STS: variants seen among roughly 807,000 people sequenced by gnomAD.
The protein encoded by STS is steryl-sulfatase.
STS carries 7 observed loss-of-function variants against 26.8 expected under a neutral mutation model. That is an observed-to-expected ratio of 0.26 (90% confidence interval 0.15 to 0.49). The LOEUF is 0.49. Among genes scored for constraint, STS ranks in the 20% least tolerant of loss-of-function variants. The probability of loss-of-function intolerance (pLI) is 0.98; values close to 1 mark genes in which losing one functional copy is unlikely to be tolerated. For synonymous variants in STS, 199 were observed against 189.4 expected (o/e 1.05, Z -0.42); for missense variants, 434 against 465.6 (o/e 0.93, Z 0.63).
intron 7 of STS, among the ~76,000 whole-genome samples, chrX:7,287,734 G>T (rs1925207220): frequency 9.2e-6 from 1 of 108,354 alleles, no homozygotes; most frequent in Admixed American, 9.9e-5. Context: ...TGAATATTCT[G>T]TAAAGCTGTG....
rs768045253 is a variant in STS, at chrX:7,353,333, CA to C, written c.*3077del. ...TCTCTAAGGCCTTTTAAGGGGCCTA[CA>C]AAAATGTTTTATTTTATAATCAGAA... On this transcript the variant is annotated 3_prime_UTR_variant, in exon 11 of 11. Coordinates refer to ENST00000674429, the MANE Select transcript of STS (RefSeq NM_001320752.2). 50 of 110,681 alleles carry C rather than the reference CA, an allele frequency of 4.5e-4. No individual in the cohort carries two copies. The highest frequency in any genetic ancestry group is 8.5e-4 in the Non-Finnish European group (45 of 52,948). The allele number at this position is 110,681 out of a possible 1,213,427, so 9.1% of individuals were successfully genotyped here.
chrX:7,210,059 ATT>A (rs1267957973), intron 2 of STS, among the ~76,000 whole-genome samples: 4 of 111,356 alleles, frequency 3.6e-5, no homozygotes, highest in African/African-American at 1.3e-4. Flanking sequence ...TGTCTTTGTT[ATT>A]GTAAATAGTG....
intron 1 of STS, among the ~76,000 whole-genome samples, chrX:7,153,064 G>A (rs1337496753): frequency 8.9e-6 from 1 of 111,741 alleles, no homozygotes; most frequent in African/African-American, 3.3e-5. Flanking sequence ...CCATGCATTC[G>A]AATTTCCTCT....
intron 8 of STS, among the ~76,000 whole-genome samples, chrX:7,323,104 C>T (rs1244744820): frequency 9.0e-6 from 1 of 111,687 alleles, no homozygotes; most frequent in East Asian, 2.8e-4. Context: ...CACGTGGAAA[C>T]ATAGTGGGAA....
chrX:7,323,674 A>G (rs1254011611), intron 8 of STS, among the ~76,000 whole-genome samples: 1 of 111,990 alleles, frequency 8.9e-6, no homozygotes, highest in African/African-American at 3.2e-5. Flanking sequence ...TAGTGCAGCA[A>G]TGAACATACA....
At chrX:7,317,247 A>G (rs1036325223) in intron 8 of STS, among the ~76,000 whole-genome samples, 1 of 110,241 alleles carries the variant, frequency 9.1e-6, no homozygotes, top group Non-Finnish European at 1.9e-5. Flanking sequence ...TTCTCTGCTC[A>G]TAAATTTTCA....
intron 2 of STS, among the ~76,000 whole-genome samples, chrX:7,206,550 C>T (rs1352421790): frequency 8.9e-6 from 1 of 112,087 alleles, no homozygotes; most frequent in African/African-American, 3.2e-5. Context: ...GTTAACCATA[C>T]TTTATCTGCA....
At chrX:7,170,327 G>C (rs1209599852) in intron 1 of STS, among the ~76,000 whole-genome samples, 1 of 110,988 alleles carries the variant, frequency 9.0e-6, no homozygotes, top group African/African-American at 3.3e-5. Flanking sequence ...TGTTGGGGGA[G>C]GGGTACGGGG....
chrX:7,221,931 C>G (rs1278672257), intron 2 of STS, among the ~76,000 whole-genome samples: 1 of 111,230 alleles, frequency 9.0e-6, no homozygotes, highest in African/African-American at 3.3e-5. Context: ...AACCCCAACC[C>G]CCAAAATGAT....
Position 7,294,491 on chromosome X carries a change from G to A in STS, c.944-10555G>A, listed in dbSNP as rs72609595. 2.9e-4 allele frequency among the ~76,000 whole-genome samples: 32 copies of A among 111,343 alleles called. 1 individual carries two copies. In the East Asian group the frequency reaches 8.3e-3, roughly 29 times the overall value. On this transcript the variant is annotated intron_variant, in intron 7 of 10. Transcript: ENST00000674429. ...ATCTGAATACTATCAATAATTAGCA[G>A]CAACACAATTGCACCACAATAATAA...
At chrX:7,320,024 TTA>T (rs1193661268) in intron 8 of STS, among the ~76,000 whole-genome samples, 52 of 94,471 alleles carry the variant, frequency 5.5e-4, no homozygotes, top group African/African-American at 1.2e-3. Context: ...TTATATATAT[TTA>T]TATATATATT....
intron 6 of STS, among the ~76,000 whole-genome samples, chrX:7,270,063 G>T (rs780760348): frequency 1.8e-5 from 2 of 112,063 alleles, no homozygotes; most frequent in Non-Finnish European, 3.8e-5. Flanking sequence ...AGATTGGAAT[G>T]ATTACATGTT....
At chrX:7,192,230 G>A (rs181956029) in intron 2 of STS, among the ~76,000 whole-genome samples, 4 of 111,820 alleles carry the variant, frequency 3.6e-5, no homozygotes, top group Non-Finnish European at 7.5e-5. Flanking sequence ...CCAGGAGAAC[G>A]TTTCACCTCT....
intron 6 of STS, among the ~76,000 whole-genome samples, chrX:7,267,780 T>C (rs750874199): frequency 1.8e-5 from 2 of 111,916 alleles, no homozygotes; most frequent in Non-Finnish European, 3.8e-5. Flanking sequence ...TTCTCCAGGC[T>C]GAAGTTTATT....
At chrX:7,157,054 A>C (rs1409479825) in intron 1 of STS, among the ~76,000 whole-genome samples, 1 of 111,677 alleles carries the variant, frequency 9.0e-6, no homozygotes, top group Admixed American at 9.5e-5. Flanking sequence ...GCTCACTGCT[A>C]TTTGTCTTGT....
intron 2 of STS, among the ~76,000 whole-genome samples, chrX:7,250,789 G>A (rs1923102305): frequency 8.9e-6 from 1 of 111,968 alleles, no homozygotes; most frequent in Non-Finnish European, 1.9e-5. Flanking sequence ...TAAAACTTAG[G>A]TGTTTCTAAG....
At chrX:7,325,040 G>C (rs144642197) in intron 8 of STS, among the ~76,000 whole-genome samples, 18 of 111,879 alleles carry the variant, frequency 1.6e-4, no homozygotes, top group African/African-American at 4.9e-4. Flanking sequence ...TGACTCCAGA[G>C]TCATTGATTT....
intron 8 of STS, among the ~76,000 whole-genome samples, chrX:7,318,281 G>C (rs1320589288): frequency 9.0e-6 from 1 of 111,262 alleles, no homozygotes; most frequent in East Asian, 2.8e-4. Context: ...TGGTGCCCGG[G>C]AGAGCAGATT....
chrX:7,182,662 T>C (rs1456173936), intron 1 of STS, among the ~76,000 whole-genome samples: 4 of 110,719 alleles, frequency 3.6e-5, no homozygotes, highest in Non-Finnish European at 7.5e-5. Flanking sequence ...AATGAGGAAA[T>C]TTATAACAAT....
Sources: gnomAD v4.1 joint callset for allele counts (sites outside exome capture counted in the v4.1 genomes callset) on GRCh38, gnomAD v4.1.1 for gene constraint, MANE v1.5 for transcripts, NCBI Gene and HGNC (gene_info 2026-07-23, HGNC 2026-07-21) for gene names.